The following MED13L variants were observed in gnomAD, a reference collection of about 807,000 sequenced individuals.
MED13L encodes mediator of RNA polymerase II transcription subunit 13-like.
In MED13L, 7 loss-of-function variants were observed where a neutral mutation model predicts 220.9. The observed-to-expected ratio is 0.03, with a 90% CI of 0.02 to 0.06. The LOEUF (loss-of-function observed/expected upper bound fraction) is 0.06, where lower values mean the gene tolerates loss of function less well. MED13L is among the 10% of genes least tolerant of loss of function. The pLI is 1.00. For missense variants in MED13L, 1,965 were observed against 2,760.5 expected (o/e 0.71, Z 6.46); for synonymous variants, 1,011 against 1,015.2 (o/e 1.00, Z 0.08).
intron 1 of MED13L, among the ~76,000 whole-genome samples, chr12:116,251,613 T>C (rs1871572615): frequency 1.3e-5 from 2 of 151,196 alleles, no homozygotes; most frequent in Admixed American, 1.3e-4. Context: ...ATATAAAACA[T>C]TAGCCAGCAT....
intron 2 of MED13L, among the ~76,000 whole-genome samples, chr12:116,228,199 T>C (rs747308256): frequency 1.3e-5 from 2 of 152,088 alleles, no homozygotes; most frequent in African/African-American, 2.4e-5. Flanking sequence ...AAAGATTCCA[T>C]CTCCCTTACA....
intron 1 of MED13L, chr12:116,276,503 G>C (rs1344695224): frequency 8.5e-6 from 11 of 1,287,022 alleles, no homozygotes; most frequent in Admixed American, 4.7e-5. Flanking sequence ...GGCTGTCGAT[G>C]TTTACAATCG....
At chr12:115,986,600 A>T (rs1877706640) in intron 18 of MED13L, 111 bp from the exon 19 acceptor site, 2 of 991,310 alleles carry the variant, frequency 2.0e-6, no homozygotes, top group Non-Finnish European at 1.6e-6. Flanking sequence ...ATGTCACTCC[A>T]TGTTCACAAG....
intron 2 of MED13L, among the ~76,000 whole-genome samples, chr12:116,136,468 G>C (rs575231129): frequency 6.6e-6 from 1 of 152,232 alleles, no homozygotes; most frequent in African/African-American, 2.4e-5. Context: ...GAGAGAGGGA[G>C]AGAGAGAGAA....
chr12:115,984,438 G>T, intron 19 of MED13L, 66 bp from the exon 20 acceptor site: 1 of 1,549,292 alleles, frequency 6.5e-7, no homozygotes, highest in Non-Finnish European at 8.9e-7. Context: ...CCAATGGTTA[G>T]CAAGGGAGAT....
intron 11 of MED13L, 115 bp downstream of exon 11, chr12:116,007,295 AG>A: frequency 1.1e-6 from 1 of 903,862 alleles, no homozygotes; most frequent in African/African-American, 1.6e-5. Context: ...ATATGGGGAC[AG>A]AGCAATCAGG....
rs1487080337 is a variant in MED13L, at chr12:116,013,730, T to C, written c.1176-829A>G. On this transcript the variant is annotated intron_variant, in intron 8 of 30. Transcript: ENST00000281928. ...CAGATCGCTTTATTATACAATGAAA[T>C]AACAATAAGGGGCAATATTTTTGGA... Among the ~76,000 whole-genome samples, 2 of 152,188 alleles carry C rather than the reference T, an allele frequency of 1.3e-5. 1 individual carries two copies. The highest frequency in any genetic ancestry group is 4.1e-4 in the South Asian group (2 of 4,832).
At chr12:116,083,036 C>T (rs1871335101) in intron 4 of MED13L, among the ~76,000 whole-genome samples, 1 of 152,070 alleles carries the variant, frequency 6.6e-6, no homozygotes, top group African/African-American at 2.4e-5. Flanking sequence ...ACTATGAGAA[C>T]CAAGAAAAAT....
In MED13L at chr12:116,229,900, AAACAG is replaced by A. The variant is rs139503114; in HGVS notation, c.310+7563_310+7567del. 5.5e-3 allele frequency among the ~76,000 whole-genome samples: 844 copies of A among 152,334 alleles called. 7 individuals carry two copies. Among genetic ancestry groups the A allele is most frequent in the African/African-American group, 0.019 (779 of 41,578 alleles). On this transcript the variant is annotated intron_variant, in intron 2 of 30. Coordinates refer to ENST00000281928, the MANE Select transcript of MED13L (RefSeq NM_015335.5). ...ACTCATTCTTTCAAATAAAACAGAA[AAACAG>A]AACAGTAATGTAATTATTTAAAGAA...
At chr12:116,031,936 T>C (rs1880877680) in intron 4 of MED13L, among the ~76,000 whole-genome samples, 1 of 152,018 alleles carries the variant, frequency 6.6e-6, no homozygotes, top group African/African-American at 2.4e-5. Context: ...AGCATGTAGA[T>C]AAGGTTGGTA....
intron 4 of MED13L, among the ~76,000 whole-genome samples, chr12:116,035,793 G>A (rs901670064): frequency 6.6e-6 from 1 of 151,912 alleles, no homozygotes; most frequent in Non-Finnish European, 1.5e-5. Context: ...GTTTTGCTAC[G>A]TTGCCCAGGA....
chr12:116,014,466 T>C (rs1399831320), intron 8 of MED13L, among the ~76,000 whole-genome samples: 1 of 152,224 alleles, frequency 6.6e-6, no homozygotes, highest in Admixed American at 6.5e-5. Flanking sequence ...CTCCTGTTTG[T>C]CATTACTGTT....
At chr12:116,103,999 CTTTTTTTTTTTTTTT>C (rs36066243) in intron 3 of MED13L, among the ~76,000 whole-genome samples, 4 of 57,418 alleles carry the variant, frequency 7.0e-5, no homozygotes, top group Admixed American at 5.1e-4. Flanking sequence ...GGACATTGCT[CTTTTTTTTTTTTTTT>C]TTTTTTTTTT....
At chr12:115,979,562 C>A (rs1278377922) in intron 23 of MED13L, among the ~76,000 whole-genome samples, 1 of 152,156 alleles carries the variant, frequency 6.6e-6, no homozygotes, top group Admixed American at 6.5e-5. Flanking sequence ...ACTAAGCTGA[C>A]CTGCACCAAG....
intron 23 of MED13L, among the ~76,000 whole-genome samples, chr12:115,978,088 GA>G (rs931335964): frequency 6.6e-6 from 1 of 150,606 alleles, no homozygotes; most frequent in African/African-American, 2.4e-5. Flanking sequence ...GTCTAAAAAA[GA>G]AAAAAAAATC....
chr12:116,063,328 C>A (rs1447658087), intron 4 of MED13L, among the ~76,000 whole-genome samples: 15 of 151,994 alleles, frequency 9.9e-5, no homozygotes, highest in Non-Finnish European at 2.2e-4. Flanking sequence ...CTGGGCAACA[C>A]AGGGAGCCCT....
chr12:116,261,668 T>C (rs763809672), intron 1 of MED13L, among the ~76,000 whole-genome samples: 3 of 152,186 alleles, frequency 2.0e-5, no homozygotes, highest in Non-Finnish European at 2.9e-5. Context: ...AGCTTAAGTC[T>C]ACTGTTTAAC....
At chr12:116,050,635 T>A (rs768511267) in intron 4 of MED13L, among the ~76,000 whole-genome samples, 2 of 152,072 alleles carry the variant, frequency 1.3e-5, no homozygotes, top group Non-Finnish European at 2.9e-5. Flanking sequence ...TTTAAGTGTA[T>A]AAGGAAATTT....
At chr12:116,256,011 T>C (rs2138537190) in intron 1 of MED13L, among the ~76,000 whole-genome samples, 1 of 152,284 alleles carries the variant, frequency 6.6e-6, no homozygotes, top group South Asian at 2.1e-4. Context: ...AGATAAAAGA[T>C]TCACAACATG....
Sources: gnomAD v4.1 joint callset for allele counts (sites outside exome capture counted in the v4.1 genomes callset) on GRCh38, gnomAD v4.1.1 for gene constraint, MANE v1.5 for transcripts, NCBI Gene and HGNC (gene_info 2026-07-23, HGNC 2026-07-21) for gene names.